The following MTR variants were observed in gnomAD, a reference collection of about 807,000 sequenced individuals.
MTR encodes 5-methyltetrahydrofolate-homocysteine methyltransferase.
In MTR, 84 loss-of-function variants were observed where a neutral mutation model predicts 154.8. That is an observed-to-expected ratio of 0.54 (90% CI 0.45 to 0.65). The LOEUF (loss-of-function observed/expected upper bound fraction) is 0.65. Ranked by LOEUF, MTR falls within the 30% of genes least tolerant of loss-of-function variation. The pLI is 0.00. For synonymous variants in MTR, 554 were observed against 553.9 expected, an observed-to-expected ratio of 1.00 and a Z score of 0.00; for missense variants, 1,275 against 1,570.2, an observed-to-expected ratio of 0.81 and a Z score of 3.18.
At chr1:236,834,354 A>G (rs950860786) in intron 13 of MTR, among the ~76,000 whole-genome samples, 1 of 151,956 alleles carries the variant, frequency 6.6e-6, no homozygotes, top group African/African-American at 2.4e-5. Flanking sequence ...TAATTTTTGT[A>G]TTTTTAGTAG....
intron 19 of MTR, 147 bp downstream of exon 19, chr1:236,860,069 G>GCCCCCCCCCCCCCCCCCCC (rs59525673): frequency 3.7e-6 from 1 of 270,586 alleles, no homozygotes; most frequent in Non-Finnish European, 6.9e-6. Flanking sequence ...TCCCCCAGCT[G>GCCCCCCCCCCCCCCCCCCC]CCCCCCCCCC....
At chr1:236,872,846 CTG>C (rs1665216700) in intron 22 of MTR, among the ~76,000 whole-genome samples, 1 of 152,116 alleles carries the variant, frequency 6.6e-6, no homozygotes, top group Non-Finnish European at 1.5e-5. Flanking sequence ...TCTACAAAAA[CTG>C]TAAAAATTAG....
chr1:236,836,410 T>A (rs1413921661), intron 14 of MTR, among the ~76,000 whole-genome samples: 1 of 152,044 alleles, frequency 6.6e-6, no homozygotes, highest in African/African-American at 2.4e-5. Context: ...TTAAAAAAAA[T>A]TTTTAGTAGA....
At position 236,795,510 on chromosome 1, in the gene MTR, A is replaced by G; in HGVS notation, c.-194A>G. On this transcript the variant is annotated 5_prime_UTR_variant, in exon 1 of 33. Transcript: ENST00000366577. ...AGCAGTTGCCGCGCCCAGCCCCGAG[A>G]GAGGCCCTAGGGCGCTGCGGGCTTT... 6.6e-7 allele frequency: 1 copy of G among 1,524,444 alleles called. No individual in the cohort carries two copies. Among genetic ancestry groups the G allele is most frequent in the Non-Finnish European group, 8.8e-7 (1 of 1,139,236 alleles). The allele number at this position is 1,524,444 out of a possible 1,614,324, so 94.4% of individuals were successfully genotyped here.
Position 236,873,702 on chromosome 1 carries a change from A to C in MTR, c.2406-71A>C. ...AGAGCAGTATTTAATGGTTGAAATA[A>C]AAATGTTCATTTCAGTTTTGTCTCT... On this transcript the variant is annotated intron_variant, in intron 22 of 32. Transcript: ENST00000366577. 3 of 1,302,256 alleles carry C rather than the reference A, an allele frequency of 2.3e-6. 1 individual carries two copies. The South Asian group carries it at 3.6e-5, about 15-fold the overall frequency. The allele number at this position is 1,302,256 out of a possible 1,614,324, so 80.7% of individuals were successfully genotyped here. A position where few individuals can be genotyped will look rare whatever the true frequency, so the allele number is the denominator to read the frequency against.
chr1:236,805,123 A>C (rs1288909805), intron 2 of MTR, among the ~76,000 whole-genome samples: 1 of 152,172 alleles, frequency 6.6e-6, no homozygotes, highest in Non-Finnish European at 1.5e-5. Context: ...TTCTGCAACC[A>C]TTGTCCATCG....
Position 236,795,659 on chromosome 1 carries a change from C to G in MTR, c.-45C>G, listed in dbSNP as rs759146025. On this transcript the variant is annotated 5_prime_UTR_variant, in exon 1 of 33. Coordinates refer to ENST00000366577, the MANE Select transcript of MTR (RefSeq NM_000254.3). The stretch of plus-strand genomic sequence containing the variant: ...TGGCCGTCGTCACCTGTGGAGAGCA[C>G]GTCTTCTCTGCCGCGCCCTCTGCGC... 3 of 1,612,864 alleles carry G rather than the reference C, an allele frequency of 1.9e-6. No individual in the cohort carries two copies. The highest frequency in any genetic ancestry group is 2.5e-6 in the Non-Finnish European group (3 of 1,179,894).
In MTR at chr1:236,835,706, T is replaced by G; in HGVS notation, c.1329+19T>G. ...CGCAAAGGTTATACAAAGTTTATGT[T>G]TATCAGGGGGATTTACTTGTCTCAC... On this transcript the variant is annotated intron_variant, in intron 14 of 32. Coordinates refer to ENST00000366577, the MANE Select transcript of MTR (RefSeq NM_000254.3). 1 of 1,613,492 alleles carries G rather than the reference T, an allele frequency of 6.2e-7. No individual in the cohort carries two copies. Among genetic ancestry groups the G allele is most frequent in the Non-Finnish European group, 8.5e-7 (1 of 1,179,882 alleles).
chr1:236,878,110 G>T (rs1665531090), intron 24 of MTR, among the ~76,000 whole-genome samples: 1 of 142,998 alleles, frequency 7.0e-6, no homozygotes, highest in Non-Finnish European at 1.5e-5. Flanking sequence ...ATTGCAAATA[G>T]ATTTTTTTTC....
chr1:236,897,308 A>ATGCGCGCGCGCATGCGCGCGCG (rs57608445), intron 32 of MTR, among the ~76,000 whole-genome samples, 190 bp downstream of exon 32: 2 of 131,540 alleles, frequency 1.5e-5, no homozygotes, highest in Admixed American at 7.2e-5. Flanking sequence ...AGCCACACAC[A>ATGCGCGCGCGCATGCGCGCGCG]CGCACACACA....
At chr1:236,820,560 G>C (rs1661871586) in intron 8 of MTR, 1 of 626,242 alleles carries the variant, frequency 1.6e-6, no homozygotes, top group South Asian at 1.8e-5. Flanking sequence ...TGGAAATAAG[G>C]CTGATGGAAA....
chr1:236,874,726 A>G lies in MTR; in HGVS notation c.2474A>G (p.Asp825Gly), dbSNP rs1359827243. The change falls in exon 24 of 33, where the codon GAT becomes GGT. Residue 825 changes from aspartate (D) to glycine (G), a missense_variant and splice_region_variant. By Grantham distance (94) the Asp-to-Gly change is moderately conservative (BLOSUM62 -1). Coordinates refer to ENST00000366577, the MANE Select transcript of MTR (RefSeq NM_000254.3). ...ILKAALDHKADIIGLSGLITP... is the reference protein window; with the variant it reads ...ILKAALDHKAGIIGLSGLITP... The stretch of plus-strand genomic sequence containing the variant: ...TTTTTTTTAAAAAAAAAAAAAATAG[A>G]TATAATTGGCCTGTCAGGACTCATC... 20 of 1,566,416 alleles carry G rather than the reference A, an allele frequency of 1.3e-5. No individual in the cohort carries two copies. The highest frequency in any genetic ancestry group is 1.6e-5 in the Non-Finnish European group (19 of 1,156,416).
At chr1:236,825,479 T>G in intron 10 of MTR, 80 bp downstream of exon 10, 1 of 1,375,828 alleles carries the variant, frequency 7.3e-7, no homozygotes, top group Non-Finnish European at 1.0e-6. Context: ...AGAAGGAGAA[T>G]TTTCCCTGAA....
chr1:236,869,104 A>T (rs1318116972), intron 22 of MTR, among the ~76,000 whole-genome samples: 1 of 152,214 alleles, frequency 6.6e-6, no homozygotes, highest in African/African-American at 2.4e-5. Flanking sequence ...CTGCCACCTT[A>T]GTTAACTGAG....
intron 22 of MTR, among the ~76,000 whole-genome samples, chr1:236,863,964 A>G (rs920315535): frequency 6.6e-6 from 1 of 152,066 alleles, no homozygotes; most frequent in Non-Finnish European, 1.5e-5. Context: ...TTGGCTAAAC[A>G]GTTTTACAGG....
chr1:236,881,716 A>G (rs1052881395), intron 25 of MTR, among the ~76,000 whole-genome samples: 1 of 152,100 alleles, frequency 6.6e-6, no homozygotes, highest in African/African-American at 2.4e-5. Flanking sequence ...GCTACCTTCC[A>G]AGGAAATTAT....
At position 236,895,375 on chromosome 1, in the gene MTR, C is replaced by T; in HGVS notation, c.3423C>T (p.Leu1141=). Reference sequence around the variant, plus strand: ...GTCCCAAGGCCTTTGCAGAAGAGCTCCATGAAAGAGTTCGCCGAGAACTGT... The same window carrying T: ...GTCCCAAGGCCTTTGCAGAAGAGCTTCATGAAAGAGTTCGCCGAGAACTGT... ...DRLAEAFAEE[L]HERVRRELWA... is the part of the protein sequence containing the mutation. Residue 1141 remains leucine, a synonymous_variant, in exon 31 of 33, where the codon CTC becomes CTT. Coordinates refer to ENST00000366577, the MANE Select transcript of MTR (RefSeq NM_000254.3). The T allele has an allele frequency of 6.2e-7, 1 of 1,600,658 alleles. No individual in the cohort carries two copies. The highest frequency in any genetic ancestry group is 8.5e-7 in the Non-Finnish European group (1 of 1,173,116).
chr1:236,801,964 C>A (rs1052870048), intron 1 of MTR, among the ~76,000 whole-genome samples: 4 of 152,124 alleles, frequency 2.6e-5, no homozygotes, highest in Non-Finnish European at 5.9e-5. Context: ...CAAGGCACTT[C>A]CATAGATGTA....
intron 2 of MTR, among the ~76,000 whole-genome samples, 171 bp from the exon 3 acceptor site, chr1:236,805,973 T>C (rs1279931534): frequency 6.6e-6 from 1 of 152,216 alleles, no homozygotes; most frequent in Non-Finnish European, 1.5e-5. Context: ...CACGTGCCTT[T>C]CTGTGAAATC....
Sources: allele counts gnomAD v4.1 joint callset (sites outside exome capture counted in the v4.1 genomes callset), GRCh38; gene constraint gnomAD v4.1.1; transcripts MANE v1.5; gene names NCBI Gene and HGNC (gene_info 2026-07-23, HGNC 2026-07-21).